SREK1: variants seen among roughly 807,000 people sequenced by gnomAD.
The protein encoded by SREK1 is splicing regulatory glutamine/lysine-rich protein 1.
In SREK1, 13 loss-of-function variants were observed where a neutral mutation model predicts 66.5. The ratio of observed to expected loss-of-function variants is 0.20; its 90% CI spans 0.13 to 0.31. The LOEUF is 0.31. SREK1 is among the 10% of genes least tolerant of loss of function. SREK1 has a pLI of 1.00. For missense variants in SREK1, 607 were observed against 769.6 expected (o/e 0.79, Z 2.50); for synonymous variants, 265 against 263.5 (o/e 1.01, Z -0.05).
rs891197864 is a variant in SREK1, at chr5:66,182,091, A to G, written c.*3223A>G. ...TAATAGGCCTTTAAGTTTTTTTTTA[A>G]TCTGTTAGAAATAAAGAGCATGATT... On this transcript the variant is annotated 3_prime_UTR_variant, in exon 12 of 12. Transcript: ENST00000334121. 1.3e-5 allele frequency: 2 copies of G among 152,038 alleles called. No individual in the cohort carries two copies. The highest frequency in any genetic ancestry group is 1.3e-4 in the Admixed American group (2 of 15,262). 9.4% of individuals were successfully genotyped at this position (152,038 alleles called of 1,614,324 possible). A position where few individuals can be genotyped will look rare whatever the true frequency, so the allele number is the denominator to read the frequency against.
intron 2 of SREK1, chr5:66,158,795 C>G: frequency 7.8e-7 from 1 of 1,287,782 alleles, no homozygotes; most frequent in South Asian, 1.2e-5. Flanking sequence ...ATCTGATGTT[C>G]TGTGTGCTAT....
chr5:66,151,834 CTTT>C (rs60920757), intron 1 of SREK1, among the ~76,000 whole-genome samples: 144 of 84,716 alleles, frequency 1.7e-3, no homozygotes, highest in African/African-American at 5.8e-3. Flanking sequence ...GAGGTACATC[CTTT>C]TTTTTTTTTT....
intron 9 of SREK1, 105 bp downstream of exon 9, chr5:66,171,052 A>G (rs1468757894): frequency 1.5e-6 from 2 of 1,324,192 alleles, no homozygotes; most frequent in Non-Finnish European, 2.0e-6. Context: ...TGGAACCTGT[A>G]AAGTAATATA....
chr5:66,153,637 CCTGT>C (rs2111968792), intron 2 of SREK1, 41 bp downstream of exon 2: 7 of 1,613,148 alleles, frequency 4.3e-6, no homozygotes, highest in East Asian at 2.2e-5. Context: ...GAATTTCTGT[CCTGT>C]CTGTTATTGC....
At position 66,175,041 on chromosome 5, in the gene SREK1, G is replaced by A. The variant is rs2112100466; in HGVS notation, c.1580G>A (p.Ser527Asn). 6.2e-7 allele frequency: 1 copy of A among 1,610,156 alleles called. No homozygotes were observed. The highest frequency in any genetic ancestry group is 2.2e-5 in the East Asian group (1 of 44,808). ...TCTTCTAGATCTCCGTCCCCCAGGA[G>A]GTAGGTTGGGAGCTTGTGCTAAAAC... ...RKSSRSPSPR[S>N]RNKKDKKREK... The change falls in exon 10 of 12, where the codon AGC becomes AAC. Residue 527 changes from serine to asparagine, a missense_variant and splice_region_variant. Ser to Asn is a conservative substitution (Grantham distance 46). Transcript: ENST00000334121.
intron 3 of SREK1, among the ~76,000 whole-genome samples, chr5:66,160,231 CAT>C (rs955743324): frequency 6.6e-6 from 1 of 152,036 alleles, no homozygotes; most frequent in Admixed American, 6.5e-5. Context: ...CAAAAGACAA[CAT>C]AGAACAAAAT....
intron 1 of SREK1, among the ~76,000 whole-genome samples, chr5:66,152,070 C>T (rs1173280704): frequency 4.3e-4 from 65 of 152,040 alleles, no homozygotes; most frequent in Admixed American, 4.1e-3. Flanking sequence ...TAGTCTCGAT[C>T]TCCTGACCTC....
chr5:66,163,574 C>A, intron 5 of SREK1: 1 of 366,526 alleles, frequency 2.7e-6, no homozygotes, highest in Admixed American at 4.4e-5. Context: ...TTCAATTTTT[C>A]TTTTCTCCCT....
intron 9 of SREK1, among the ~76,000 whole-genome samples, chr5:66,172,232 T>G (rs1745701495): frequency 6.6e-6 from 1 of 152,188 alleles, no homozygotes; most frequent in Non-Finnish European, 1.5e-5. Context: ...TGTGTTTCTG[T>G]GATTGTTTAG....
chr5:66,156,244 T>C, intron 2 of SREK1: 1 of 1,301,358 alleles, frequency 7.7e-7, no homozygotes, highest in Non-Finnish European at 9.7e-7. Context: ...CATTTCTTTT[T>C]CTTTATTTTG....
In SREK1 at chr5:66,178,773, A is replaced by C; in HGVS notation, c.1780A>C (p.Lys594Gln). 1 of 1,612,726 alleles carries C rather than the reference A, an allele frequency of 6.2e-7. No homozygotes were observed. The highest frequency in any genetic ancestry group is 8.5e-7 in the Non-Finnish European group (1 of 1,179,034). ...DSSVSKEVDDKDAPRTEENKI... is the reference protein window; with the variant it reads ...DSSVSKEVDDQDAPRTEENKI... ...AAGTGTGAGCAAAGAAGTAGATGAC[A>C]AGGATGCACCAAGGACTGAGGAAAA... The change falls in exon 12 of 12, where the codon AAG (lysine) becomes CAG (glutamine). Residue 594 changes from lysine to glutamine, a missense_variant. Lys to Gln is a moderately conservative substitution (Grantham distance 53). This residue lies in a region of SREK1 where 318 missense variants were observed against 310.3 expected (regional missense o/e 1.02). Coordinates refer to ENST00000334121, the MANE Select transcript of SREK1 (RefSeq NM_001077199.3).
At chr5:66,151,907 G>A (rs1743859734) in intron 1 of SREK1, among the ~76,000 whole-genome samples, 1 of 141,352 alleles carries the variant, frequency 7.1e-6, no homozygotes, top group South Asian at 2.3e-4. Context: ...GTGCAGTGGC[G>A]CAATCTCGGC....
chr5:66,159,377 C>T, intron 3 of SREK1, 43 bp downstream of exon 3: 1 of 1,493,024 alleles, frequency 6.7e-7, no homozygotes, highest in Non-Finnish European at 9.1e-7. Context: ...GAATGTTCAA[C>T]TGTGTGACCA....
Position 66,153,447 on chromosome 5 carries a change from TC to T in SREK1, c.162-15del. 1 of 1,600,612 alleles carries T rather than the reference TC, an allele frequency of 6.2e-7. No individual in the cohort carries two copies. ...AAATGTTTATTAGTTCAATTGTTTT[TC>T]TTTTTATCTTGCAGCAACGCACCTC... On this transcript the variant is annotated splice_polypyrimidine_tract_variant and intron_variant, in intron 1 of 11. Transcript: ENST00000334121.
chr5:66,174,120 C>T (rs1020439966), intron 9 of SREK1, among the ~76,000 whole-genome samples: 13 of 146,370 alleles, frequency 8.9e-5, no homozygotes, highest in South Asian at 6.3e-4. Context: ...ATTATCAGAA[C>T]TTGTGAGATA....
At position 66,174,956 on chromosome 5, in the gene SREK1, A is replaced by C. The variant is rs1439484963; in HGVS notation, c.1495A>C (p.Arg499=). The C allele has an allele frequency of 3.1e-6, 5 of 1,612,754 alleles. No homozygotes were observed. The highest frequency in any genetic ancestry group is 3.4e-6 in the Non-Finnish European group (4 of 1,179,270). ...GTTTTTGATTTTCAGGGAAAGGCGT[A>C]GGAGGAGGAGCAGGAGTTCTTCCAG... ...RSRSSSRERR[R]RRSRSSSRSP... Residue 499 remains arginine, a synonymous_variant, in exon 10 of 12, where the codon AGG becomes CGG. Coordinates refer to ENST00000334121, the MANE Select transcript of SREK1 (RefSeq NM_001077199.3).
rs1745497418 is a variant in SREK1, at chr5:66,170,036, AT to A, written c.1002-7del. ...TAAATTAAGTTTTGATATTCTAACA[AT>A]TTTTTTTCTTTAGGAGTAGATCCCA... On this transcript the variant is annotated splice_polypyrimidine_tract_variant and intron_variant, in intron 7 of 11. Transcript: ENST00000334121. 18 of 1,511,932 alleles carry A rather than the reference AT, an allele frequency of 1.2e-5. No homozygotes were observed. The highest frequency in any genetic ancestry group is 4.1e-5 in the South Asian group (3 of 73,776). The allele number at this position is 1,511,932 out of a possible 1,614,324, so 93.7% of individuals were successfully genotyped here. A position where few individuals can be genotyped will look rare whatever the true frequency, so the allele number is the denominator to read the frequency against.
chr5:66,145,366 T>C (rs566836456), intron 1 of SREK1, among the ~76,000 whole-genome samples: 66 of 152,112 alleles, frequency 4.3e-4, no homozygotes, highest in African/African-American at 1.5e-3. Flanking sequence ...CACAAACTTT[T>C]TTTCTTTTTT....
At chr5:66,172,241 A>G (rs1036216554) in intron 9 of SREK1, among the ~76,000 whole-genome samples, 29 of 152,168 alleles carry the variant, frequency 1.9e-4, no homozygotes, top group African/African-American at 7.0e-4. Flanking sequence ...GTGATTGTTT[A>G]GACATTACCT....
Sources: allele counts gnomAD v4.1 joint callset (sites outside exome capture counted in the v4.1 genomes callset), GRCh38; gene constraint gnomAD v4.1.1; regional missense constraint gnomAD v4.1.1; transcripts MANE v1.5; gene names NCBI Gene and HGNC (gene_info 2026-07-23, HGNC 2026-07-21).